Variants in PSMG2 observed in about 807,000 individuals in gnomAD.
The protein encoded by PSMG2 is CD40 ligand-activated specific transcript 3.
PSMG2 carries 21 observed loss-of-function variants against 31.5 expected under a neutral mutation model. The observed-to-expected ratio is 0.67, with a 90% CI of 0.47 to 0.96. PSMG2 has a LOEUF of 0.96. Ranked by LOEUF, PSMG2 falls within the 40% of genes least tolerant of loss-of-function variation. PSMG2 has a pLI of 0.00. For synonymous variants in PSMG2, 120 were observed against 110.4 expected (o/e 1.09, Z -0.54); for missense variants, 318 against 321.2 (o/e 0.99, Z 0.08).
At chr18:12,721,593 T>C (rs1411219927) in intron 5 of PSMG2, among the ~76,000 whole-genome samples, 3 of 152,198 alleles carry the variant, frequency 2.0e-5, no homozygotes, top group Non-Finnish European at 2.9e-5. Context: ...TCATTTCTTA[T>C]TTTAATAATT....
At chr18:12,675,000 C>T (rs2039071015) in intron 1 of PSMG2, among the ~76,000 whole-genome samples, 2 of 152,088 alleles carry the variant, frequency 1.3e-5, no homozygotes, top group African/African-American at 2.4e-5. Context: ...ACAAAGTCTC[C>T]AAATCCTGTA....
At chr18:12,707,908 C>T (rs978077373) in intron 2 of PSMG2, among the ~76,000 whole-genome samples, 8 of 149,576 alleles carry the variant, frequency 5.3e-5, no homozygotes, top group Middle Eastern at 3.4e-3. Flanking sequence ...ATTGAACTTC[C>T]TACAGGACAG....
At chr18:12,688,041 A>G (rs1474544067) in intron 1 of PSMG2, among the ~76,000 whole-genome samples, 2 of 151,900 alleles carry the variant, frequency 1.3e-5, no homozygotes, top group Non-Finnish European at 2.9e-5. Context: ...CAGGAGATCA[A>G]TTCCATCCTG....
upstream of PSMG2, chr18:12,702,794 C>T (rs924745547): frequency 1.7e-4 from 99 of 570,894 alleles, no homozygotes; most frequent in Non-Finnish European, 2.6e-4. Flanking sequence ...GGCTGGCCCG[C>T]ACGCTGCCTG....
chr18:12,660,926 T>C (rs1002656013), intron 1 of PSMG2, among the ~76,000 whole-genome samples: 1 of 152,248 alleles, frequency 6.6e-6, no homozygotes, highest in African/African-American at 2.4e-5. Context: ...GTCTTCTAAG[T>C]GTAGTTATAC....
intron 1 of PSMG2, chr18:12,673,039 T>C: frequency 9.8e-7 from 1 of 1,018,576 alleles, no homozygotes; most frequent in South Asian, 4.0e-5. Flanking sequence ...ATCTCTTTGA[T>C]TACCTGTTTG....
intron 1 of PSMG2, among the ~76,000 whole-genome samples, chr18:12,704,696 G>A (rs368989312): frequency 6.6e-6 from 1 of 152,220 alleles, no homozygotes; most frequent in Non-Finnish European, 1.5e-5. Context: ...CAGTTAGAGG[G>A]CTATGTGGGG....
intron 2 of PSMG2, among the ~76,000 whole-genome samples, chr18:12,711,448 A>G (rs949164334): frequency 1.3e-5 from 2 of 152,160 alleles, no homozygotes; most frequent in African/African-American, 4.8e-5. Flanking sequence ...AGGCTGAGTA[A>G]TCTTTGCCTT....
intron 1 of PSMG2, among the ~76,000 whole-genome samples, chr18:12,688,849 T>C (rs1000482057): frequency 1.3e-5 from 2 of 152,214 alleles, no homozygotes; most frequent in Non-Finnish European, 2.9e-5. Flanking sequence ...GTGTGGTGGC[T>C]CACGCCTATG....
chr18:12,710,542 T>G (rs1363934735), intron 2 of PSMG2, among the ~76,000 whole-genome samples: 1 of 152,236 alleles, frequency 6.6e-6, no homozygotes, highest in East Asian at 1.9e-4. Context: ...GTCCCTTTTT[T>G]TTCATCACAA....
At chr18:12,702,892 G>A, upstream of PSMG2, 1 of 584,862 alleles carries the variant, frequency 1.7e-6, no homozygotes, top group Non-Finnish European at 2.9e-6. Flanking sequence ...CAGGGTCTCC[G>A]AAAGCGCTGC....
chr18:12,695,786 G>A (rs1322869797), intron 1 of PSMG2, among the ~76,000 whole-genome samples: 1 of 151,208 alleles, frequency 6.6e-6, no homozygotes, highest in African/African-American at 2.4e-5. Context: ...TTAATTAAAT[G>A]TATAATATCA....
intron 1 of PSMG2, chr18:12,663,587 A>T (rs2038742535): frequency 6.6e-6 from 1 of 152,148 alleles, no homozygotes; most frequent in African/African-American, 2.4e-5. Flanking sequence ...AAATATCTTT[A>T]TTTTGTAGCA....
intron 1 of PSMG2, among the ~76,000 whole-genome samples, chr18:12,703,601 A>C (rs2040225086): frequency 6.6e-6 from 1 of 152,172 alleles, no homozygotes; most frequent in African/African-American, 2.4e-5. Flanking sequence ...ATCGCTCTTT[A>C]TATTCATTCA....
intron 2 of PSMG2, 137 bp downstream of exon 2, chr18:12,706,858 A>G: frequency 2.3e-6 from 2 of 855,712 alleles, no homozygotes; most frequent in Non-Finnish European, 3.4e-6. Context: ...ACCCAATCAC[A>G]TTGTCCTATT....
At chr18:12,711,381 C>CT in intron 2 of PSMG2, among the ~76,000 whole-genome samples, 1 of 152,152 alleles carries the variant, frequency 6.6e-6, no homozygotes, top group Non-Finnish European at 1.5e-5. Context: ...CAGATACATT[C>CT]TTTTCAAACC....
intron 1 of PSMG2, among the ~76,000 whole-genome samples, chr18:12,691,924 T>G (rs1197384792): frequency 6.6e-6 from 1 of 151,998 alleles, no homozygotes; most frequent in East Asian, 1.9e-4. Flanking sequence ...TTTCACCACA[T>G]TGGTCAAGCT....
At chr18:12,713,616 G>A (rs1022035435) in intron 3 of PSMG2, among the ~76,000 whole-genome samples, 1 of 152,090 alleles carries the variant, frequency 6.6e-6, no homozygotes, top group Admixed American at 6.5e-5. Context: ...GTCAGCTTGC[G>A]ACACCAGGAA....
chr18:12,723,409 G>A (rs1438201461), intron 5 of PSMG2, among the ~76,000 whole-genome samples: 4 of 151,740 alleles, frequency 2.6e-5, no homozygotes, highest in African/African-American at 9.7e-5. Context: ...GTTAGATATA[G>A]AGACCTTACT....
Sources: allele counts gnomAD v4.1 joint callset (sites outside exome capture counted in the v4.1 genomes callset), GRCh38; gene constraint gnomAD v4.1.1; transcripts MANE v1.5; gene names NCBI Gene and HGNC (gene_info 2026-07-23, HGNC 2026-07-21).